Variants in CSMD1 observed in about 807,000 individuals in gnomAD.
CSMD1 encodes the protein CUB and sushi domain-containing protein 1.
A neutral mutation model predicts 417.5 loss-of-function variants in CSMD1; 213 were observed. The observed-to-expected ratio is 0.51, with a 90% confidence interval of 0.46 to 0.57. The LOEUF (loss-of-function observed/expected upper bound fraction) is 0.57, where lower values mean the gene tolerates loss of function less well. CSMD1 is among the 20% of genes least tolerant of loss of function. The pLI is 0.00. For missense variants in CSMD1, 6,923 were observed against 4,529.7 expected, an observed-to-expected ratio of 1.53 and a Z score of -15.17; for synonymous variants, 2,862 against 1,736.8, an observed-to-expected ratio of 1.65 and a Z score of -16.11.
intron 20 of CSMD1, 25 bp downstream of exon 20, chr8:3,367,007 G>A: frequency 6.4e-7 from 1 of 1,573,432 alleles, no homozygotes; most frequent in South Asian, 1.1e-5. Flanking sequence ...CCAGAGGAGA[G>A]AAACAGCAAA....
Position 4,811,041 on chromosome 8 carries a change from C to T in CSMD1, c.86-173483G>A, listed in dbSNP as rs568392421. Among the ~76,000 whole-genome samples, 31 of 152,266 alleles carry T rather than the reference C, an allele frequency of 2.0e-4. 1 individual carries two copies. Among genetic ancestry groups the T allele is most frequent in the Middle Eastern group, 3.4e-3 (1 of 294 alleles). On this transcript the variant is annotated intron_variant, in intron 1 of 69. Coordinates refer to ENST00000635120, the MANE Select transcript of CSMD1 (RefSeq NM_033225.6). ...TCCACCCAGTGAAATGGGCATCACACTTAAACGATTAATCAGTAAAGTAAT... is the reference window on the plus strand; with the variant it reads ...TCCACCCAGTGAAATGGGCATCACATTTAAACGATTAATCAGTAAAGTAAT...
chr8:3,820,767 A>G (rs1320596582), intron 5 of CSMD1, among the ~76,000 whole-genome samples: 1 of 151,832 alleles, frequency 6.6e-6, no homozygotes, highest in African/African-American at 2.4e-5. Context: ...GTTTTGTTTT[A>G]GTGATGGGGT....
intron 54 of CSMD1, among the ~76,000 whole-genome samples, chr8:2,993,367 C>A: frequency 6.6e-6 from 1 of 152,106 alleles, no homozygotes; most frequent in Admixed American, 6.6e-5. Context: ...GCATTTATTG[C>A]CAATATCCTG....
intron 5 of CSMD1, among the ~76,000 whole-genome samples, chr8:3,800,057 G>A (rs777318992): frequency 9.9e-5 from 15 of 152,088 alleles, no homozygotes; most frequent in Non-Finnish European, 1.6e-4. Flanking sequence ...ACTGAAATAT[G>A]GAGAAAAACA....
At chr8:3,532,859 T>C (rs922511469) in intron 10 of CSMD1, among the ~76,000 whole-genome samples, 2 of 152,122 alleles carry the variant, frequency 1.3e-5, no homozygotes, top group Non-Finnish European at 2.9e-5. Context: ...CTACAGAAAA[T>C]ATAATTTCAC....
intron 3 of CSMD1, among the ~76,000 whole-genome samples, chr8:4,300,022 T>A (rs1430878481): frequency 6.6e-6 from 1 of 152,196 alleles, no homozygotes; most frequent in Non-Finnish European, 1.5e-5. Context: ...CAAGTTTGTA[T>A]AAAGAGGCCA....
At chr8:4,015,882 T>A (rs1796499097) in intron 4 of CSMD1, among the ~76,000 whole-genome samples, 1 of 152,168 alleles carries the variant, frequency 6.6e-6, no homozygotes, top group Non-Finnish European at 1.5e-5. Context: ...TTACATCTCA[T>A]GCTTCCAAGC....
chr8:4,230,830 A>AT (rs1183914009), intron 3 of CSMD1, among the ~76,000 whole-genome samples: 3 of 152,040 alleles, frequency 2.0e-5, no homozygotes, highest in South Asian at 4.1e-4. Flanking sequence ...GTCACAATGT[A>AT]TTTTTTGTGG....
At chr8:4,112,337 C>A (rs1214726758) in intron 3 of CSMD1, among the ~76,000 whole-genome samples, 1 of 152,178 alleles carries the variant, frequency 6.6e-6, no homozygotes, top group African/African-American at 2.4e-5. Context: ...CGGACACAGG[C>A]CTGTGATGAG....
At chr8:2,954,302 A>T in intron 64 of CSMD1, 34 bp from the exon 65 acceptor site, 1 of 1,283,150 alleles carries the variant, frequency 7.8e-7, no homozygotes, top group South Asian at 1.4e-5. Flanking sequence ...CATTTTAAAA[A>T]AAACATTTAT....
chr8:4,378,156 T>C (rs1802874503), intron 3 of CSMD1, among the ~76,000 whole-genome samples: 1 of 152,366 alleles, frequency 6.6e-6, no homozygotes, highest in East Asian at 1.9e-4. Context: ...ATTTCCATTA[T>C]TCACTTATAC....
At chr8:4,222,769 G>C (rs565360652) in intron 3 of CSMD1, among the ~76,000 whole-genome samples, 40 of 152,156 alleles carry the variant, frequency 2.6e-4, no homozygotes, top group Non-Finnish European at 4.3e-4. Flanking sequence ...TTATAGTTTA[G>C]CTCACCGAGT....
intron 3 of CSMD1, among the ~76,000 whole-genome samples, chr8:4,196,277 A>G (rs1387081371): frequency 1.3e-5 from 2 of 152,176 alleles, no homozygotes; most frequent in Non-Finnish European, 2.9e-5. Flanking sequence ...TTTTGTGGTC[A>G]TTGAGTTTAC....
intron 1 of CSMD1, among the ~76,000 whole-genome samples, chr8:4,687,834 CAT>C (rs1247488324): frequency 1.6e-4 from 15 of 91,654 alleles, no homozygotes; most frequent in African/African-American, 2.4e-4. Context: ...CACATACATA[CAT>C]ACACACACAC....
intron 1 of CSMD1, among the ~76,000 whole-genome samples, chr8:4,857,011 G>T (rs1181306093): frequency 6.1e-5 from 9 of 148,622 alleles, no homozygotes; most frequent in Middle Eastern, 3.5e-3. Context: ...ACCACATACT[G>T]GGAAGTAAAG....
chr8:3,763,286 A>G lies in CSMD1; in HGVS notation c.819-9244T>C, dbSNP rs943792132. 1.5e-4 allele frequency among the ~76,000 whole-genome samples: 23 copies of G among 152,172 alleles called. No individual in the cohort carries two copies. In the Middle Eastern group the frequency reaches 0.01, roughly 68 times the overall value. On this transcript the variant is annotated intron_variant, in intron 5 of 69. Coordinates refer to ENST00000635120, the MANE Select transcript of CSMD1 (RefSeq NM_033225.6). ...GGATATTTTGTCTCCTCCAAATCTC[A>G]TGTTGACATATGATTGCCGGTATTG... is the stretch of plus-strand genomic sequence containing the variant.
chr8:3,199,658 G>C (rs1001508276), intron 33 of CSMD1, 56 bp downstream of exon 33: 1 of 1,195,506 alleles, frequency 8.4e-7, no homozygotes, highest in Non-Finnish European at 1.2e-6. Flanking sequence ...CTAGCCGTGG[G>C]TGCAGCATCA....
intron 36 of CSMD1, 132 bp downstream of exon 36, chr8:3,187,737 A>G: frequency 1.5e-6 from 1 of 661,260 alleles, no homozygotes; most frequent in South Asian, 1.8e-5. Context: ...TTTCAGCACT[A>G]GAGCAACCAT....
intron 9 of CSMD1, among the ~76,000 whole-genome samples, chr8:3,583,143 G>C (rs1800453003): frequency 6.6e-6 from 1 of 151,894 alleles, no homozygotes; most frequent in Non-Finnish European, 1.5e-5. Context: ...CTGTCTTTCA[G>C]AATTCAGATA....
Sources: gnomAD v4.1 joint callset for allele counts (sites outside exome capture counted in the v4.1 genomes callset) on GRCh38, gnomAD v4.1.1 for gene constraint, MANE v1.5 for transcripts, NCBI Gene and HGNC (gene_info 2026-07-23, HGNC 2026-07-21) for gene names.